YEATS2: variants seen among roughly 807,000 people sequenced by gnomAD.
YEATS2 encodes the protein YEATS domain-containing protein 2.
In YEATS2, 77 loss-of-function variants were observed where a neutral mutation model predicts 163.2. That is an observed-to-expected ratio of 0.47 (90% CI 0.39 to 0.57). YEATS2 has a LOEUF of 0.57. YEATS2 is among the 20% of genes least tolerant of loss of function. The pLI is 0.00. For missense variants in YEATS2, 1,549 were observed against 1,729.8 expected (o/e 0.90, Z 1.85); for synonymous variants, 631 against 645.1 (o/e 0.98, Z 0.33).
intron 21 of YEATS2, chr3:183,793,070 C>T: frequency 8.8e-7 from 1 of 1,141,482 alleles, no homozygotes; most frequent in South Asian, 1.3e-5. Flanking sequence ...TGTCGCAGCA[C>T]TATCGAACTG....
chr3:183,744,584 T>C (rs915603515), intron 8 of YEATS2, among the ~76,000 whole-genome samples: 1 of 152,208 alleles, frequency 6.6e-6, no homozygotes, highest in Non-Finnish European at 1.5e-5. Context: ...GACAAGTGTT[T>C]TAAAATGACA....
chr3:183,759,075 C>A, intron 13 of YEATS2, 110 bp downstream of exon 13: 1 of 719,126 alleles, frequency 1.4e-6, no homozygotes, highest in Non-Finnish European at 2.2e-6. Flanking sequence ...CAGGCTGTAT[C>A]GAACTCCTGG....
chr3:183,711,497 C>T (rs1040648143), intron 1 of YEATS2, among the ~76,000 whole-genome samples: 1 of 143,138 alleles, frequency 7.0e-6, no homozygotes, highest in Non-Finnish European at 1.5e-5. Context: ...AAGCTTTAAA[C>T]ATAAAACATA....
chr3:183,760,921 A>G (rs569214647), intron 13 of YEATS2, among the ~76,000 whole-genome samples: 20 of 152,160 alleles, frequency 1.3e-4, no homozygotes, highest in Admixed American at 3.9e-4. Context: ...GAAGACCAAT[A>G]AAGTCAGCCA....
chr3:183,784,466 TG>T (rs370487334), intron 19 of YEATS2, among the ~76,000 whole-genome samples: 208 of 152,310 alleles, frequency 1.4e-3, no homozygotes, highest in African/African-American at 4.8e-3. Flanking sequence ...TTTATTTGCT[TG>T]TTAAATTAGG....
intron 8 of YEATS2, among the ~76,000 whole-genome samples, chr3:183,746,386 A>G (rs1352320134): frequency 6.6e-6 from 1 of 152,178 alleles, no homozygotes; most frequent in Non-Finnish European, 1.5e-5. Context: ...AATACAGAAT[A>G]AGGCTTTGTT....
At chr3:183,712,349 C>T (rs990770262) in intron 1 of YEATS2, among the ~76,000 whole-genome samples, 6 of 151,676 alleles carry the variant, frequency 4.0e-5, no homozygotes, top group African/African-American at 7.3e-5. Context: ...GCTGGGATTA[C>T]TGGCATGAGC....
intron 1 of YEATS2, among the ~76,000 whole-genome samples, chr3:183,703,816 C>G (rs996011265): frequency 6.6e-6 from 1 of 151,824 alleles, no homozygotes; most frequent in African/African-American, 2.4e-5. Flanking sequence ...AAATAGAATT[C>G]AGGAAATGGA....
At chr3:183,727,669 T>G (rs934590693) in intron 6 of YEATS2, among the ~76,000 whole-genome samples, 4 of 152,148 alleles carry the variant, frequency 2.6e-5, no homozygotes, top group Admixed American at 6.6e-5. Flanking sequence ...GAAGGGGGCC[T>G]CATACTGAAA....
At chr3:183,778,582 G>A (rs372783626) in intron 19 of YEATS2, among the ~76,000 whole-genome samples, 61 of 152,114 alleles carry the variant, frequency 4.0e-4, no homozygotes, top group African/African-American at 1.3e-3. Flanking sequence ...TCTCCAGCTC[G>A]TGACCTCAGG....
At position 183,717,697 on chromosome 3, in the gene YEATS2, G is replaced by A. The variant is rs1249054089; in HGVS notation, c.147G>A (p.Gln49=). 1 of 1,567,776 alleles carries A rather than the reference G, an allele frequency of 6.4e-7. No homozygotes were observed. The highest frequency in any genetic ancestry group is 8.6e-7 in the Non-Finnish European group (1 of 1,163,868). Residue 49 remains glutamine (Q), a synonymous_variant, in exon 3 of 31, where the codon CAG becomes CAA. Transcript: ENST00000305135. ...VQKIETIIKE[Q]FALEMKNKEH... is the part of the protein sequence containing the mutation. ...AGATTGAGACTATTATCAAAGAACA[G>A]TTTGCTCTTGAAATGAAGAATAAGG...
chr3:183,699,548 T>TAA (rs1225337050), intron 1 of YEATS2, among the ~76,000 whole-genome samples: 2,758 of 142,664 alleles, frequency 0.019, 89 homozygotes, highest in African/African-American at 0.067. Context: ...CCCCGTCTCT[T>TAA]AAAAAAAAAA....
chr3:183,717,590 C>A, intron 2 of YEATS2, 61 bp from the exon 3 acceptor site: 2 of 1,269,044 alleles, frequency 1.6e-6, no homozygotes, highest in Non-Finnish European at 2.2e-6. Flanking sequence ...TGCTTGCTGA[C>A]TTAAATAAAG....
rs200048624 is a variant in YEATS2 at position 183,722,278 on chromosome 3, C to CTTTT, written c.537+167_537+170dup. 68 of 310,390 alleles carry CTTTT rather than the reference C, an allele frequency of 2.2e-4. 10 individuals carry two copies. The African/African-American group carries it at 2.7e-3, about 12-fold the overall frequency. The allele number at this position is 310,390 out of a possible 1,614,324, so 19.2% of individuals were successfully genotyped here. ...TCCTTTTATAATGGGGAAACCAAAT[C>CTTTT]TTTTTTTTTTTTTTTTTTTTTTTTT... On this transcript the variant is annotated intron_variant, in intron 5 of 30. Coordinates refer to ENST00000305135, the MANE Select transcript of YEATS2 (RefSeq NM_018023.5).
At chr3:183,778,257 A>G (rs1021920023) in intron 19 of YEATS2, among the ~76,000 whole-genome samples, 1 of 152,248 alleles carries the variant, frequency 6.6e-6, no homozygotes, top group Admixed American at 6.5e-5. Context: ...AACACTTAAG[A>G]TATCTTGCAC....
intron 15 of YEATS2, among the ~76,000 whole-genome samples, chr3:183,765,452 C>T (rs954867054): frequency 2.6e-5 from 4 of 152,142 alleles, no homozygotes; most frequent in African/African-American, 9.7e-5. Context: ...GGGTCTGTGC[C>T]ACAATGCCCT....
intron 15 of YEATS2, among the ~76,000 whole-genome samples, chr3:183,767,825 G>C (rs1344637545): frequency 6.6e-6 from 1 of 152,124 alleles, no homozygotes; most frequent in African/African-American, 2.4e-5. Context: ...CAGGATACCA[G>C]GTTTTACTGG....
intron 16 of YEATS2, 146 bp from the exon 17 acceptor site, chr3:183,773,487 T>C (rs928087537): frequency 5.1e-6 from 4 of 783,788 alleles, no homozygotes; most frequent in East Asian, 5.6e-5. Context: ...TATCAGTCTT[T>C]AAAGCATTGT....
intron 19 of YEATS2, among the ~76,000 whole-genome samples, chr3:183,778,721 A>G (rs1723261090): frequency 6.6e-6 from 1 of 152,226 alleles, no homozygotes; most frequent in African/African-American, 2.4e-5. Context: ...GTTTGGTATC[A>G]GGATAATACT....
Sources: gnomAD v4.1 joint callset for allele counts (sites outside exome capture counted in the v4.1 genomes callset) on GRCh38, gnomAD v4.1.1 for gene constraint, MANE v1.5 for transcripts, NCBI Gene and HGNC (gene_info 2026-07-23, HGNC 2026-07-21) for gene names.